KHDRBS2: variants seen among roughly 807,000 people sequenced by gnomAD.
KHDRBS2 encodes KH RNA binding domain containing, signal transduction associated 2.
In KHDRBS2, 26 loss-of-function variants were observed where a neutral mutation model predicts 44.3. The observed-to-expected ratio is 0.59, with a 90% CI of 0.43 to 0.81. KHDRBS2 has a LOEUF of 0.81. KHDRBS2 is among the 40% of genes least tolerant of loss of function. The pLI is 0.00. For synonymous variants in KHDRBS2, 194 were observed against 151.1 expected, an observed-to-expected ratio of 1.28 and a Z score of -2.08; for missense variants, 476 against 433.1, an observed-to-expected ratio of 1.10 and a Z score of -0.88.
At chr6:61,682,870 ACATT>A (rs1247503401) in intron 8 of KHDRBS2, among the ~76,000 whole-genome samples, 2 of 151,892 alleles carry the variant, frequency 1.3e-5, no homozygotes, top group African/African-American at 2.4e-5. Flanking sequence ...AAGGGAAAAC[ACATT>A]CAGTGTGTGC....
chr6:61,678,467 G>A (rs1334256406), downstream of KHDRBS2, among the ~76,000 whole-genome samples: 2 of 151,950 alleles, frequency 1.3e-5, no homozygotes, highest in African/African-American at 2.4e-5. Context: ...TATTCTTATT[G>A]ACAAGGGATA....
chr6:61,645,771 T>C, the KHDRBS2 span, among the ~76,000 whole-genome samples: 19 of 152,158 alleles, frequency 1.2e-4, no homozygotes, highest in African/African-American at 4.1e-4. Context: ...AAGAAATCTT[T>C]AACATCATGT....
chr6:62,063,278 A>G lies in KHDRBS2; in HGVS notation c.220-15284T>C, dbSNP rs1317109353. ...GAGGGAATCCTCCCTAACTCATTTT[A>G]TGAGGCCAGCATCATTCTGATACCA... On this transcript the variant is annotated intron_variant, in intron 2 of 8. Coordinates refer to ENST00000281156, the MANE Select transcript of KHDRBS2 (RefSeq NM_152688.4). 2.0e-5 allele frequency among the ~76,000 whole-genome samples: 3 copies of G among 150,046 alleles called. No individual in the cohort carries two copies. The East Asian group carries it at 5.9e-4, about 30-fold the overall frequency.
intron 2 of KHDRBS2, among the ~76,000 whole-genome samples, chr6:62,143,572 C>T (rs1341846303): frequency 6.6e-6 from 1 of 151,966 alleles, no homozygotes; most frequent in East Asian, 1.9e-4. Context: ...CATTTATTCT[C>T]CTCTGGAGTC....
At chr6:62,026,150 C>G (rs994189312) in intron 3 of KHDRBS2, among the ~76,000 whole-genome samples, 1 of 151,744 alleles carries the variant, frequency 6.6e-6, no homozygotes, top group South Asian at 2.1e-4. Flanking sequence ...GTATTTCAAG[C>G]TGTAAGTGTC....
Position 62,012,500 on chromosome 6 carries a change from G to T in KHDRBS2, c.337-34288C>A, listed in dbSNP as rs116700044. On this transcript the variant is annotated intron_variant, in intron 3 of 8. Coordinates refer to ENST00000281156, the MANE Select transcript of KHDRBS2 (RefSeq NM_152688.4). ...ATTTCACTTGGAGTAAAATCCAAAC[G>T]CTTCTTTCTGGCTTAAACGGCCTAT... 1.6e-3 allele frequency among the ~76,000 whole-genome samples: 246 copies of T among 152,204 alleles called. 1 individual carries two copies. The highest frequency in any genetic ancestry group is 5.8e-3 in the African/African-American group (239 of 41,516).
intron 6 of KHDRBS2, among the ~76,000 whole-genome samples, chr6:61,786,052 C>T (rs1440420766): frequency 6.6e-6 from 1 of 152,036 alleles, no homozygotes; most frequent in Non-Finnish European, 1.5e-5. Context: ...TTCATACACA[C>T]ACACACACAT....
chr6:61,716,454 C>G (rs1262724695), intron 7 of KHDRBS2, among the ~76,000 whole-genome samples: 1 of 151,928 alleles, frequency 6.6e-6, no homozygotes, highest in Admixed American at 6.6e-5. Flanking sequence ...TTCTATACTA[C>G]TAGGTTTTGG....
chr6:62,197,731 G>A (rs1219504704), intron 1 of KHDRBS2, among the ~76,000 whole-genome samples: 2 of 152,186 alleles, frequency 1.3e-5, no homozygotes, highest in East Asian at 3.9e-4. Flanking sequence ...TCTGCACCAA[G>A]CAGACCTAAT....
chr6:62,222,689 G>A (rs1442349774), intron 1 of KHDRBS2, among the ~76,000 whole-genome samples: 1 of 152,066 alleles, frequency 6.6e-6, no homozygotes, highest in Non-Finnish European at 1.5e-5. Flanking sequence ...ATTGGCCTTG[G>A]GTAAATATTG....
chr6:62,134,818 A>C (rs1811143211), intron 2 of KHDRBS2, among the ~76,000 whole-genome samples: 1 of 152,090 alleles, frequency 6.6e-6, no homozygotes, highest in Admixed American at 6.5e-5. Context: ...CGGGGCCTTT[A>C]GCATCTTCAT....
intron 6 of KHDRBS2, among the ~76,000 whole-genome samples, chr6:61,882,064 A>G (rs543188122): frequency 1.3e-5 from 2 of 152,204 alleles, no homozygotes; most frequent in South Asian, 2.1e-4. Context: ...AAGTGAGAAC[A>G]TTAGAAGCAA....
the KHDRBS2 span, among the ~76,000 whole-genome samples, chr6:61,560,946 C>G: frequency 6.6e-6 from 1 of 152,006 alleles, no homozygotes; most frequent in African/African-American, 2.4e-5. Flanking sequence ...CTTGTTTGTA[C>G]CCCTCCTTCT....
intron 2 of KHDRBS2, among the ~76,000 whole-genome samples, chr6:62,110,406 C>A (rs959909123): frequency 6.6e-6 from 1 of 151,908 alleles, no homozygotes; most frequent in Non-Finnish European, 1.5e-5. Context: ...TTGTAAGAGC[C>A]AAACTTGGAA....
intron 2 of KHDRBS2, among the ~76,000 whole-genome samples, chr6:62,087,911 A>C (rs1461461776): frequency 6.6e-6 from 1 of 151,892 alleles, no homozygotes; most frequent in Non-Finnish European, 1.5e-5. Flanking sequence ...TTTTTTCTCT[A>C]ATCTTGTCTT....
At chr6:61,887,070 T>C (rs763079266) in intron 6 of KHDRBS2, among the ~76,000 whole-genome samples, 3 of 150,534 alleles carry the variant, frequency 2.0e-5, no homozygotes, top group Non-Finnish European at 3.0e-5. Context: ...GGATACCTTA[T>C]GGTTCTTTAC....
intron 6 of KHDRBS2, among the ~76,000 whole-genome samples, chr6:61,786,350 TA>T (rs1256244378): frequency 6.6e-6 from 1 of 151,858 alleles, no homozygotes; most frequent in African/African-American, 2.4e-5. Context: ...TTTTCATGAT[TA>T]GGGGTCATAT....
intron 1 of KHDRBS2, among the ~76,000 whole-genome samples, chr6:62,186,759 A>G (rs1823517185): frequency 6.6e-6 from 1 of 152,096 alleles, no homozygotes; most frequent in South Asian, 2.1e-4. Context: ...TTAAAGATTT[A>G]TTTATTTTTA....
chr6:62,232,294 C>A (rs193074018), intron 1 of KHDRBS2, among the ~76,000 whole-genome samples: 4 of 152,110 alleles, frequency 2.6e-5, no homozygotes, highest in Non-Finnish European at 4.4e-5. Context: ...AAAATATTGC[C>A]TGGTAAATAA....
Sources: allele counts gnomAD v4.1 joint callset (sites outside exome capture counted in the v4.1 genomes callset), GRCh38; gene constraint gnomAD v4.1.1; transcripts MANE v1.5; gene names NCBI Gene and HGNC (gene_info 2026-07-23, HGNC 2026-07-21).